Variants in MSI2 observed in about 807,000 individuals in gnomAD.
The protein encoded by MSI2 is musashi RNA binding protein 2.
In MSI2, 17 loss-of-function variants were observed where a neutral mutation model predicts 45.6. The observed-to-expected ratio is 0.37, with a 90% confidence interval of 0.26 to 0.56. The LOEUF is 0.56. Among genes scored for constraint, MSI2 ranks in the 20% least tolerant of loss-of-function variants. MSI2 has a pLI of 0.77. For missense variants in MSI2, 293 were observed against 444.2 expected, an observed-to-expected ratio of 0.66 and a Z score of 3.06; for synonymous variants, 156 against 158.2, an observed-to-expected ratio of 0.99 and a Z score of 0.11.
intron 6 of MSI2, among the ~76,000 whole-genome samples, chr17:57,488,780 C>T (rs994977145): frequency 7.9e-5 from 12 of 151,558 alleles, no homozygotes; most frequent in African/African-American, 1.2e-4. Flanking sequence ...GCCGAGATCG[C>T]GCCATTGCAC....
At chr17:57,265,311 A>G (rs556284433) in intron 5 of MSI2, 8 of 152,322 alleles carry the variant, frequency 5.3e-5, no homozygotes, top group Admixed American at 1.3e-4. Context: ...AGGAGCTTGT[A>G]AATGATATGT....
chr17:57,310,913 T>C (rs1912345855), intron 5 of MSI2, among the ~76,000 whole-genome samples: 1 of 152,226 alleles, frequency 6.6e-6, no homozygotes, highest in Admixed American at 6.5e-5. Flanking sequence ...CTGGGGACCC[T>C]TGGCATATTG....
intron 5 of MSI2, among the ~76,000 whole-genome samples, chr17:57,283,060 C>T (rs141015099): frequency 3.7e-4 from 57 of 152,114 alleles, no homozygotes; most frequent in African/African-American, 1.3e-3. Context: ...GTCCAGTAAC[C>T]CTCTGTACCT....
In MSI2 at chr17:57,378,692, C is replaced by T. The variant is rs752179070; in HGVS notation, c.313-22687C>T. ...GATTACAGGAGTGAGCCACCATGCC[C>T]GGCCCATTTCTTGTTTATCTTCTTA... On this transcript the variant is annotated intron_variant, in intron 5 of 13. Coordinates refer to ENST00000284073, the MANE Select transcript of MSI2 (RefSeq NM_138962.4). 8.7e-4 allele frequency among the ~76,000 whole-genome samples: 133 copies of T among 152,322 alleles called. 1 individual carries two copies. The highest frequency in any genetic ancestry group is 6.7e-4 in the African/African-American group (28 of 41,582).
chr17:57,537,860 G>T (rs887340948), intron 7 of MSI2, among the ~76,000 whole-genome samples: 22 of 152,146 alleles, frequency 1.4e-4, no homozygotes, highest in African/African-American at 5.3e-4. Context: ...TGGTACCCAG[G>T]ATGAGCTGCA....
At chr17:57,384,683 T>G (rs2083654618) in intron 5 of MSI2, among the ~76,000 whole-genome samples, 1 of 152,164 alleles carries the variant, frequency 6.6e-6, no homozygotes. Context: ...TGCTTTGGGT[T>G]TCCAAAAGAT....
intron 10 of MSI2, among the ~76,000 whole-genome samples, chr17:57,645,418 G>C (rs1013074744): frequency 1.3e-5 from 2 of 151,752 alleles, no homozygotes; most frequent in Admixed American, 1.3e-4. Context: ...CATCTGGGAA[G>C]TTTTTTTGTT....
intron 5 of MSI2, among the ~76,000 whole-genome samples, chr17:57,288,050 G>A (rs375091832): frequency 1.3e-5 from 2 of 152,186 alleles, no homozygotes; most frequent in African/African-American, 4.8e-5. Context: ...TGGGAGAAGA[G>A]AGGCAATGTG....
chr17:57,257,205 C>A (rs954670560), intron 2 of MSI2, 67 bp downstream of exon 2: 2 of 820,876 alleles, frequency 2.4e-6, no homozygotes, highest in Non-Finnish European at 3.5e-6. Context: ...CTTTGTTATC[C>A]CGGTGTAGGA....
chr17:57,626,045 C>T (rs1480630185), intron 9 of MSI2: 1 of 152,314 alleles, frequency 6.6e-6, no homozygotes, highest in African/African-American at 2.4e-5. Flanking sequence ...AGGCCTGCCT[C>T]CCAGCCTCCA....
intron 6 of MSI2, among the ~76,000 whole-genome samples, chr17:57,474,269 G>A (rs1449264656): frequency 6.6e-6 from 1 of 152,154 alleles, no homozygotes; most frequent in Admixed American, 6.5e-5. Flanking sequence ...CCTTCTGCAA[G>A]GTAGTTATAA....
intron 5 of MSI2, among the ~76,000 whole-genome samples, chr17:57,268,725 A>C (rs1908066328): frequency 6.6e-6 from 1 of 152,026 alleles, no homozygotes; most frequent in Non-Finnish European, 1.5e-5. Flanking sequence ...AATCCCAGCT[A>C]CTCGGGAGGC....
At chr17:57,415,717 T>TGATAAACTCCCTCC (rs935386589) in intron 6 of MSI2, among the ~76,000 whole-genome samples, 9 of 152,056 alleles carry the variant, frequency 5.9e-5, no homozygotes, top group Non-Finnish European at 1.3e-4. Flanking sequence ...TCACTCCCTC[T>TGATAAACTCCCTCC]GATAAACTCC....
At chr17:57,282,146 C>G (rs927838598) in intron 5 of MSI2, among the ~76,000 whole-genome samples, 1 of 151,988 alleles carries the variant, frequency 6.6e-6, no homozygotes, top group Non-Finnish European at 1.5e-5. Context: ...CCTGTCTTTG[C>G]TTGGGGTGAC....
intron 6 of MSI2, among the ~76,000 whole-genome samples, chr17:57,442,728 G>A (rs542090348): frequency 2.0e-5 from 3 of 152,322 alleles, no homozygotes; most frequent in South Asian, 2.1e-4. Flanking sequence ...CGAGGGAGGC[G>A]GTGCTGGCCT....
At chr17:57,605,462 G>C (rs1452966797) in intron 8 of MSI2, among the ~76,000 whole-genome samples, 1 of 152,204 alleles carries the variant, frequency 6.6e-6, no homozygotes, top group East Asian at 1.9e-4. Flanking sequence ...CAGTATCTCA[G>C]CACCCAGTGC....
chr17:57,602,170 C>CA (rs1280115146), intron 8 of MSI2, among the ~76,000 whole-genome samples: 3 of 152,080 alleles, frequency 2.0e-5, no homozygotes, highest in Non-Finnish European at 4.4e-5. Flanking sequence ...TAGCCCAATG[C>CA]AAATTCATAA....
intron 8 of MSI2, among the ~76,000 whole-genome samples, chr17:57,610,398 G>A (rs1350793029): frequency 6.6e-6 from 1 of 152,126 alleles, no homozygotes; most frequent in Non-Finnish European, 1.5e-5. Context: ...GTTGCAGTGA[G>A]CTGAGGTCAC....
intron 7 of MSI2, among the ~76,000 whole-genome samples, chr17:57,571,536 C>T (rs1195216814): frequency 1.3e-5 from 2 of 152,206 alleles, no homozygotes; most frequent in East Asian, 3.8e-4. Context: ...TCCTCTGGTT[C>T]TTGTGCTCTC....
Sources: gnomAD v4.1 joint callset for allele counts (sites outside exome capture counted in the v4.1 genomes callset) on GRCh38, gnomAD v4.1.1 for gene constraint, MANE v1.5 for transcripts, NCBI Gene and HGNC (gene_info 2026-07-23, HGNC 2026-07-21) for gene names.